PCDHA11: variants seen among roughly 807,000 people sequenced by gnomAD.
PCDHA11 encodes the protein protocadherin alpha-11.
In PCDHA11, 61 loss-of-function variants were observed where a neutral mutation model predicts 70.3. The ratio of observed to expected loss-of-function variants is 0.87; its 90% CI spans 0.71 to 1.07. The LOEUF (loss-of-function observed/expected upper bound fraction) is 1.07. PCDHA11 is among the 50% of genes least tolerant of loss of function. The pLI is 0.00. For synonymous variants in PCDHA11, 633 were observed against 555.1 expected, an observed-to-expected ratio of 1.14 and a Z score of -1.97; for missense variants, 1,324 against 1,237.5, an observed-to-expected ratio of 1.07 and a Z score of -1.05.
chr5:140,870,201 G>A lies in PCDHA11; in HGVS notation c.1098G>A (p.Thr366=). 1.2e-6 allele frequency: 2 copies of A among 1,614,140 alleles called. No individual in the cohort carries two copies. The highest frequency in any genetic ancestry group is 8.5e-7 in the Non-Finnish European group (1 of 1,180,026). ...TACGAGAGGACGCTCAGCCCAGCAC[G>A]GTCATTGCCCTGATCAGCGTGTCTG... ...LPVREDAQPS[T]VIALISVSDR... The change falls in exon 1 of 4, where the codon ACG becomes ACA. Residue 366 remains threonine, a synonymous_variant. Coordinates refer to ENST00000398640, the MANE Select transcript of PCDHA11 (RefSeq NM_018902.5).
intron 1 of PCDHA11, among the ~76,000 whole-genome samples, chr5:140,935,834 C>G (rs1037488504): frequency 1.3e-5 from 2 of 151,624 alleles, no homozygotes; most frequent in African/African-American, 2.4e-5. Flanking sequence ...ACACATATTC[C>G]ATACTGCTTA....
chr5:140,933,902 A>C (rs1285587221), intron 1 of PCDHA11, among the ~76,000 whole-genome samples: 2 of 151,892 alleles, frequency 1.3e-5, no homozygotes, highest in African/African-American at 2.4e-5. Flanking sequence ...ATATTTTGGC[A>C]TAAAGTTGTT....
intron 1 of PCDHA11, among the ~76,000 whole-genome samples, chr5:140,954,129 G>T (rs1206426573): frequency 6.6e-6 from 1 of 152,160 alleles, no homozygotes; most frequent in Non-Finnish European, 1.5e-5. Context: ...CCTTTTTATG[G>T]ATGCATAGTA....
intron 1 of PCDHA11, chr5:140,966,382 G>C (rs1188243032): frequency 5.0e-6 from 2 of 403,766 alleles, no homozygotes; most frequent in Non-Finnish European, 4.3e-6. Flanking sequence ...GTCCGGGTTC[G>C]CTGTCCGCCA....
rs2051636689 is a variant in PCDHA11 at position 140,870,077 on chromosome 5, G to T, written c.974G>T (p.Gly325Val). ...YKIEVQATDKGTPPMAGHCTV... is the reference protein window; with the variant it reads ...YKIEVQATDKVTPPMAGHCTV... ...ATTGAAGTACAGGCTACAGATAAGG[G>T]GACTCCCCCAATGGCAGGTCACTGT... Residue 325 changes from glycine (G) to valine (V), a missense_variant, in exon 1 of 4, where the codon GGG (glycine) becomes GTG (valine). Gly to Val is a moderately radical substitution (Grantham distance 109). Coordinates refer to ENST00000398640, the MANE Select transcript of PCDHA11 (RefSeq NM_018902.5). 1 of 1,613,688 alleles carries T rather than the reference G, an allele frequency of 6.2e-7. No individual in the cohort carries two copies. Among genetic ancestry groups the T allele is most frequent in the African/African-American group, 1.3e-5 (1 of 74,902 alleles).
At chr5:140,974,105 A>G (rs1173287678) in intron 1 of PCDHA11, among the ~76,000 whole-genome samples, 1 of 152,246 alleles carries the variant, frequency 6.6e-6, no homozygotes, top group African/African-American at 2.4e-5. Context: ...GGTTAAAAGT[A>G]TTCTTTTGCA....
At chr5:140,871,567 A>AT (rs1441824086) in intron 1 of PCDHA11, 73 bp downstream of exon 1, 49 of 1,482,936 alleles carry the variant, frequency 3.3e-5, no homozygotes, top group Non-Finnish European at 3.9e-5. Flanking sequence ...TTTTTCACGG[A>AT]TTTTTTAAGG....
At chr5:140,891,937 C>G (rs1168665111) in intron 1 of PCDHA11, among the ~76,000 whole-genome samples, 3 of 152,166 alleles carry the variant, frequency 2.0e-5, no homozygotes, top group Admixed American at 2.0e-4. Context: ...CTTGGACTTC[C>G]CCTAGGCTCC....
chr5:140,964,000 T>C (rs900134447), intron 1 of PCDHA11, among the ~76,000 whole-genome samples: 2 of 152,218 alleles, frequency 1.3e-5, no homozygotes, highest in African/African-American at 2.4e-5. Flanking sequence ...TACTGTGTTC[T>C]ACTTTTTAAT....
intron 1 of PCDHA11, among the ~76,000 whole-genome samples, chr5:140,962,725 T>C (rs536695569): frequency 3.2e-4 from 48 of 152,210 alleles, no homozygotes; most frequent in Non-Finnish European, 5.9e-4. Flanking sequence ...AGTATTTTCC[T>C]TCTGGGGATG....
chr5:141,005,936 G>A (rs1233031842), intron 3 of PCDHA11, among the ~76,000 whole-genome samples: 1 of 151,890 alleles, frequency 6.6e-6, no homozygotes, highest in African/African-American at 2.4e-5. Context: ...GACAGAGTGA[G>A]AACCTATCTC....
intron 1 of PCDHA11, among the ~76,000 whole-genome samples, chr5:140,977,127 C>T (rs1197401904): frequency 6.6e-6 from 1 of 152,168 alleles, no homozygotes; most frequent in East Asian, 1.9e-4. Flanking sequence ...AACTGAGTTT[C>T]CTGGTCAGTC....
chr5:140,880,419 G>A (rs1554171271), intron 1 of PCDHA11, among the ~76,000 whole-genome samples: 2 of 152,106 alleles, frequency 1.3e-5, no homozygotes, highest in Non-Finnish European at 2.9e-5. Context: ...TTAAAAGCGG[G>A]AACAGTTTTT....
chr5:140,892,498 T>G (rs937078713), intron 1 of PCDHA11, among the ~76,000 whole-genome samples: 3 of 152,232 alleles, frequency 2.0e-5, no homozygotes, highest in Non-Finnish European at 4.4e-5. Flanking sequence ...AGAGATTGTT[T>G]AAGAAGTTCC....
chr5:140,951,583 C>T (rs939168963), intron 1 of PCDHA11, among the ~76,000 whole-genome samples: 3 of 152,034 alleles, frequency 2.0e-5, no homozygotes, highest in Non-Finnish European at 4.4e-5. Flanking sequence ...CCAGATTTCA[C>T]GAGATCTCTC....
chr5:140,982,634 T>C, intron 3 of PCDHA11, 71 bp downstream of exon 3: 1 of 1,555,420 alleles, frequency 6.4e-7, no homozygotes, highest in Non-Finnish European at 8.7e-7. Flanking sequence ...TTTTGTAAGA[T>C]CAGGAATGTT....
intron 1 of PCDHA11, among the ~76,000 whole-genome samples, chr5:140,974,144 A>G (rs868918794): frequency 5.9e-5 from 9 of 152,268 alleles, no homozygotes; most frequent in African/African-American, 1.7e-4. Context: ...CCTGAAAACT[A>G]TACAAGGGTT....
chr5:140,959,373 C>CA lies in PCDHA11; in HGVS notation c.2392-19566dup, dbSNP rs1243465116. Among the ~76,000 whole-genome samples the CA allele has an allele frequency of 8.3e-3, 1,208 of 145,190 alleles. 7 individuals carry two copies. Among genetic ancestry groups the CA allele is most frequent in the Admixed American group, 0.016 (228 of 14,544 alleles). ...GGGACAACTGAGTGAGACCCTGTCT[C>CA]AAAAAAAAAAGTCACAAATTAAGAT... On this transcript the variant is annotated intron_variant, in intron 1 of 3. Coordinates refer to ENST00000398640, the MANE Select transcript of PCDHA11 (RefSeq NM_018902.5).
chr5:140,925,267 G>C (rs931372584), intron 1 of PCDHA11, among the ~76,000 whole-genome samples: 14 of 152,060 alleles, frequency 9.2e-5, no homozygotes, highest in Non-Finnish European at 1.9e-4. Flanking sequence ...CTTGATCTGT[G>C]TTCAGATTTT....
Sources: allele counts gnomAD v4.1 joint callset (sites outside exome capture counted in the v4.1 genomes callset), GRCh38; gene constraint gnomAD v4.1.1; transcripts MANE v1.5; gene names NCBI Gene and HGNC (gene_info 2026-07-23, HGNC 2026-07-21).